EYA1: variants seen among roughly 807,000 people sequenced by gnomAD.
EYA1 encodes protein phosphatase EYA1.
A neutral mutation model predicts 82.0 loss-of-function variants in EYA1; 16 were observed. The ratio of observed to expected loss-of-function variants is 0.20; its 90% confidence interval spans 0.13 to 0.30. The LOEUF (loss-of-function observed/expected upper bound fraction) is 0.30. Among genes scored for constraint, EYA1 ranks in the 10% least tolerant of loss-of-function variants. The pLI is 1.00. For synonymous variants in EYA1, 261 were observed against 264.4 expected, an observed-to-expected ratio of 0.99 and a Z score of 0.12; for missense variants, 633 against 730.7, an observed-to-expected ratio of 0.87 and a Z score of 1.54.
At chr8:71,339,190 G>T (rs907424983) in intron 3 of EYA1, among the ~76,000 whole-genome samples, 1 of 151,886 alleles carries the variant, frequency 6.6e-6, no homozygotes, top group African/African-American at 2.4e-5. Context: ...TCTATTCTCC[G>T]ACTCCTGCTT....
At chr8:71,361,332 C>T (rs911998516) in intron 1 of EYA1, among the ~76,000 whole-genome samples, 1 of 152,182 alleles carries the variant, frequency 6.6e-6, no homozygotes, top group East Asian at 1.9e-4. Flanking sequence ...ATGAAGTCAT[C>T]TCCCTGCAAG....
At chr8:71,380,110 C>T (rs1356150211) in intron 2 of EYA1, among the ~76,000 whole-genome samples, 1 of 152,194 alleles carries the variant, frequency 6.6e-6, no homozygotes, top group Non-Finnish European at 1.5e-5. Flanking sequence ...TTCTCCTTGC[C>T]CACTTCTCTC....
chr8:71,491,052 A>G (rs1810959308), intron 2 of EYA1, among the ~76,000 whole-genome samples: 1 of 152,196 alleles, frequency 6.6e-6, no homozygotes, highest in Non-Finnish European at 1.5e-5. Flanking sequence ...CTGAGCATCA[A>G]AATATTAGCT....
intron 4 of EYA1, among the ~76,000 whole-genome samples, chr8:71,329,819 C>T (rs763945383): frequency 1.3e-5 from 2 of 152,084 alleles, no homozygotes; most frequent in Non-Finnish European, 2.9e-5. Context: ...CAAAACTAAA[C>T]ATAATACACA....
At chr8:71,306,247 A>G (rs552538003) in intron 7 of EYA1, among the ~76,000 whole-genome samples, 2 of 122,772 alleles carry the variant, frequency 1.6e-5, no homozygotes, top group African/African-American at 6.0e-5. Context: ...TATCCAAAGA[A>G]GATCAGAGAA....
intron 2 of EYA1, among the ~76,000 whole-genome samples, chr8:71,534,484 C>T (rs1814537181): frequency 6.6e-6 from 1 of 152,162 alleles, no homozygotes; most frequent in Admixed American, 6.5e-5. Context: ...TAGCACTTGA[C>T]CATTTGTTAT....
At chr8:71,277,478 C>T (rs1274999751) in intron 9 of EYA1, among the ~76,000 whole-genome samples, 1 of 152,048 alleles carries the variant, frequency 6.6e-6, no homozygotes, top group Non-Finnish European at 1.5e-5. Context: ...AACTCCTTAC[C>T]CTCTCCGCTG....
In EYA1 at chr8:71,299,669, G is replaced by A. The variant is rs1057241340; in HGVS notation, c.608C>T (p.Thr203Ile). The change falls in exon 8 of 18, where the codon ACA becomes ATA. Residue 203 changes from threonine (T) to isoleucine (I), a missense_variant. Physicochemically the swap from Thr to Ile is moderately conservative, Grantham distance 89. Coordinates refer to ENST00000340726, the MANE Select transcript of EYA1 (RefSeq NM_000503.6). ...SGIYTGNNSLTNSSGFNSSQQ... is the reference protein window; with the variant it reads ...SGIYTGNNSLINSSGFNSSQQ... ...TGAACTATTAAATCCAGAGGAATTT[G>A]TGAGTGAATTATTTCCTGTATATAT... is the stretch of plus-strand genomic sequence containing the variant. 1 of 1,596,096 alleles carries A rather than the reference G, an allele frequency of 6.3e-7. No individual in the cohort carries two copies. The highest frequency in any genetic ancestry group is 8.6e-7 in the Non-Finnish European group (1 of 1,164,412).
chr8:71,268,150 T>C (rs1042233602), intron 11 of EYA1, among the ~76,000 whole-genome samples: 4 of 152,100 alleles, frequency 2.6e-5, no homozygotes, highest in Admixed American at 6.6e-5. Flanking sequence ...GTCTCTTTCA[T>C]TGGCTAATAG....
Position 71,197,437 on chromosome 8 carries a change from A to G in EYA1, c.*1903T>C, listed in dbSNP as rs1585709518. The G allele has an allele frequency of 1.3e-5, 2 of 152,562 alleles. No homozygotes were observed. Among genetic ancestry groups the G allele is most frequent in the East Asian group, 3.9e-4 (2 of 5,186 alleles). The allele number at this position is 152,562 out of a possible 1,614,324, so 9.5% of individuals were successfully genotyped here. A position where few individuals can be genotyped will look rare whatever the true frequency, so the allele number is the denominator to read the frequency against. On this transcript the variant is annotated 3_prime_UTR_variant, in exon 18 of 18. Coordinates refer to ENST00000340726, the MANE Select transcript of EYA1 (RefSeq NM_000503.6). The stretch of plus-strand genomic sequence containing the variant: ...TGATCCCGACAGTCAGGGAGCTTAC[A>G]GTACATCACAAATAAATTTTATTAA...
chr8:71,334,718 CAGCCATATCTGACTGCCA>C (rs372258074), intron 3 of EYA1, among the ~76,000 whole-genome samples: 1,665 of 152,324 alleles, frequency 0.011, 31 homozygotes, highest in African/African-American at 0.037. Flanking sequence ...CATTACCACC[CAGCCATATCTGACTGCCA>C]ATTCACCAAT....
chr8:71,294,027 A>T (rs1392460448), intron 9 of EYA1, among the ~76,000 whole-genome samples: 51 of 119,396 alleles, frequency 4.3e-4, no homozygotes, highest in Admixed American at 7.1e-4. Context: ...AGAAAATATA[A>T]AAAAAAAAAA....
At chr8:71,547,122 C>T (rs1056705701) in intron 1 of EYA1, among the ~76,000 whole-genome samples, 1 of 150,634 alleles carries the variant, frequency 6.6e-6, no homozygotes, top group African/African-American at 2.4e-5. Context: ...CTCCAATTTA[C>T]CTCTACTTCT....
chr8:71,208,041 T>G (rs1051022777), intron 17 of EYA1, among the ~76,000 whole-genome samples: 6 of 152,226 alleles, frequency 3.9e-5, no homozygotes, highest in African/African-American at 1.4e-4. Context: ...TGGAAGTAAT[T>G]GGAAACCCTC....
At chr8:71,352,640 T>C (rs1205701419) in intron 3 of EYA1, among the ~76,000 whole-genome samples, 1 of 152,168 alleles carries the variant, frequency 6.6e-6, no homozygotes, top group Non-Finnish European at 1.5e-5. Flanking sequence ...AAGTTTAAGA[T>C]AAAGAACAAA....
chr8:71,317,915 T>C (rs994312556), intron 6 of EYA1, among the ~76,000 whole-genome samples: 15 of 152,236 alleles, frequency 9.9e-5, no homozygotes, highest in Admixed American at 9.8e-4. Context: ...TCTTGTTTTA[T>C]TGCACTTCAA....
chr8:71,381,872 A>G (rs1828723558), intron 2 of EYA1, among the ~76,000 whole-genome samples: 1 of 152,236 alleles, frequency 6.6e-6, no homozygotes, highest in African/African-American at 2.4e-5. Flanking sequence ...TTTAGTTAAC[A>G]GGTTGATTCT....
chr8:71,231,772 T>G (rs962216020), intron 12 of EYA1, among the ~76,000 whole-genome samples: 7 of 152,250 alleles, frequency 4.6e-5, no homozygotes, highest in African/African-American at 1.7e-4. Flanking sequence ...ATTTTATCGT[T>G]GTTCATTACA....
chr8:71,225,876 A>G (rs1810498918), intron 12 of EYA1, among the ~76,000 whole-genome samples: 1 of 152,232 alleles, frequency 6.6e-6, no homozygotes, highest in African/African-American at 2.4e-5. Flanking sequence ...TATCTAAGTG[A>G]GAGAGATTTT....
Sources: allele counts gnomAD v4.1 joint callset (sites outside exome capture counted in the v4.1 genomes callset), GRCh38; gene constraint gnomAD v4.1.1; transcripts MANE v1.5; gene names NCBI Gene and HGNC (gene_info 2026-07-23, HGNC 2026-07-21).